Variants in SLC25A20 observed in about 807,000 individuals in gnomAD.
SLC25A20 encodes the protein solute carrier family 25 member 20.
Under a neutral mutation model 39.7 loss-of-function variants are expected in SLC25A20, and 29 were observed. That is an observed-to-expected ratio of 0.73 (90% CI 0.54 to 1.00). The LOEUF (loss-of-function observed/expected upper bound fraction) is 1.00. SLC25A20 is among the 50% of genes least tolerant of loss of function. SLC25A20 has a pLI of 0.00. For synonymous variants in SLC25A20, 103 were observed against 142.2 expected (o/e 0.72, Z 1.96); for missense variants, 333 against 379.9 (o/e 0.88, Z 1.03).
chr3:48,898,630 C>A, intron 1 of SLC25A20, 60 bp downstream of exon 1: 1 of 1,471,806 alleles, frequency 6.8e-7, no homozygotes, highest in South Asian at 1.2e-5. Context: ...CGCGGGGGAC[C>A]ATGCTTTCCG....
chr3:48,897,396 C>G lies in SLC25A20; in HGVS notation c.105+1294G>C, dbSNP rs1268162627. On this transcript the variant is annotated intron_variant, in intron 1 of 8. Transcript: ENST00000319017. ...TTTTTTTTTTTTTTTTTAAGGGCGG[C>G]CCCAGAGGCCTAGAACTAATAAGAT... Among the ~76,000 whole-genome samples, 52 of 139,984 alleles carry G rather than the reference C, an allele frequency of 3.7e-4. No individual in the cohort carries two copies. The Admixed American group carries it at 3.8e-3, about 10-fold the overall frequency. 91.8% of individuals were successfully genotyped at this position (139,984 alleles called of 152,430 possible).
intron 4 of SLC25A20, among the ~76,000 whole-genome samples, chr3:48,871,984 T>A (rs1246418936): frequency 7.8e-6 from 1 of 127,858 alleles, no homozygotes; most frequent in Non-Finnish European, 1.7e-5. Context: ...CCCAGCTAAT[T>A]TTTTTTTTTT....
Position 48,870,680 on chromosome 3 carries a change from AT to A in SLC25A20, c.418-8022del, listed in dbSNP as rs908776945. Among the ~76,000 whole-genome samples the A allele has an allele frequency of 1.4e-3, 202 of 143,898 alleles. 2 individuals are homozygous for A. In the East Asian group the frequency reaches 0.019, roughly 13 times the overall value. The allele number at this position is 143,898 out of a possible 152,430, so 94.4% of individuals were successfully genotyped here. A position where few individuals can be genotyped will look rare whatever the true frequency, so the allele number is the denominator to read the frequency against. ...AGGCACGCAACACCATGCCCAGCTA[AT>A]TTTTTTTTTTTAAGAGATGGGGTTT... On this transcript the variant is annotated intron_variant, in intron 4 of 8. Coordinates refer to ENST00000319017, the MANE Select transcript of SLC25A20 (RefSeq NM_000387.6).
At chr3:48,870,775 C>CGCTA (rs1373540296) in intron 4 of SLC25A20, among the ~76,000 whole-genome samples, 1 of 149,064 alleles carries the variant, frequency 6.7e-6, no homozygotes, top group Non-Finnish European at 1.5e-5. Flanking sequence ...CCTCCCAAAG[C>CGCTA]GCTAGGATGA....
chr3:48,872,530 A>G (rs1037537988), intron 4 of SLC25A20, among the ~76,000 whole-genome samples: 1 of 151,952 alleles, frequency 6.6e-6, no homozygotes, highest in African/African-American at 2.4e-5. Flanking sequence ...AGAAAAAAAA[A>G]AGAACTCTGT....
intron 4 of SLC25A20, among the ~76,000 whole-genome samples, chr3:48,877,871 G>A (rs911612566): frequency 2.0e-5 from 3 of 152,162 alleles, no homozygotes; most frequent in African/African-American, 7.2e-5. Flanking sequence ...TAATAAGGGT[G>A]GGTAGGCCCA....
intron 1 of SLC25A20, among the ~76,000 whole-genome samples, chr3:48,893,815 C>T (rs967530819): frequency 6.8e-6 from 1 of 147,362 alleles, no homozygotes; most frequent in Non-Finnish European, 1.5e-5. Flanking sequence ...CAGATATGAG[C>T]CACCATGGCC....
chr3:48,894,427 A>G (rs997005737), intron 1 of SLC25A20, among the ~76,000 whole-genome samples: 1 of 148,086 alleles, frequency 6.8e-6, no homozygotes, highest in Non-Finnish European at 1.5e-5. Flanking sequence ...CACCCAGGTA[A>G]CTTTTGCATT....
At chr3:48,891,746 A>G (rs1315695596) in intron 2 of SLC25A20, among the ~76,000 whole-genome samples, 5 of 152,150 alleles carry the variant, frequency 3.3e-5, no homozygotes, top group African/African-American at 9.7e-5. Context: ...TCCATCTTCC[A>G]AAAGAGAGAA....
At chr3:48,897,365 A>T (rs796455739) in intron 1 of SLC25A20, among the ~76,000 whole-genome samples, 7,079 of 103,594 alleles carry the variant, frequency 0.068, 293 homozygotes, top group Non-Finnish European at 0.1. Flanking sequence ...ATATATATAT[A>T]TATTTTTTTT....
chr3:48,875,568 C>T (rs2083749792), intron 4 of SLC25A20, among the ~76,000 whole-genome samples: 1 of 152,168 alleles, frequency 6.6e-6, no homozygotes, highest in South Asian at 2.1e-4. Flanking sequence ...CACAACCATA[C>T]CTGGCTAATT....
In SLC25A20 at chr3:48,865,377, C is replaced by T. The variant is rs921065280; in HGVS notation, c.418-2718G>A. ...TCTTGACCTCGTGATCCATCCGCCTCGGCCACCCAAAGTGCTGGGATTACA... is the reference window on the plus strand; with the variant it reads ...TCTTGACCTCGTGATCCATCCGCCTTGGCCACCCAAAGTGCTGGGATTACA... On this transcript the variant is annotated intron_variant, in intron 4 of 8. Coordinates refer to ENST00000319017, the MANE Select transcript of SLC25A20 (RefSeq NM_000387.6). Among the ~76,000 whole-genome samples the T allele has an allele frequency of 3.4e-4, 51 of 151,902 alleles. 1 individual carries two copies. Among genetic ancestry groups the T allele is most frequent in the Admixed American group, 3.0e-3 (46 of 15,238 alleles).
At position 48,883,378 on chromosome 3, in the gene SLC25A20, CT is replaced by C. The variant is rs1306699237; in HGVS notation, c.326+618del. On this transcript the variant is annotated intron_variant, in intron 3 of 8. Transcript: ENST00000319017. The stretch of plus-strand genomic sequence containing the variant: ...GACCAGCCTAATGTGGTGAAACCCC[CT>C]CTCTACTAAACACACAAAAAAATTA... Among the ~76,000 whole-genome samples, 4 of 151,852 alleles carry C rather than the reference CT, an allele frequency of 2.6e-5. No homozygotes were observed. In the South Asian group the frequency reaches 6.3e-4, roughly 24 times the overall value.
chr3:48,888,108 G>A (rs1032687246), intron 2 of SLC25A20, among the ~76,000 whole-genome samples: 3 of 149,926 alleles, frequency 2.0e-5, no homozygotes, highest in African/African-American at 7.4e-5. Context: ...TTGGGAGGCT[G>A]AGGCAGGAGA....
chr3:48,859,022 T>C, intron 7 of SLC25A20, 70 bp downstream of exon 7: 2 of 1,262,920 alleles, frequency 1.6e-6, no homozygotes, highest in Non-Finnish European at 2.3e-6. Flanking sequence ...CCTTATGAGC[T>C]TTGCACCCCA....
intron 3 of SLC25A20, 38 bp downstream of exon 3, chr3:48,883,959 G>T (rs999212822): frequency 1.2e-6 from 2 of 1,610,456 alleles, no homozygotes; most frequent in Non-Finnish European, 1.7e-6. Context: ...CACGCTACCA[G>T]GCAGAACAGC....
chr3:48,873,652 C>A (rs1015063834), intron 4 of SLC25A20, among the ~76,000 whole-genome samples: 1 of 148,868 alleles, frequency 6.7e-6, no homozygotes, highest in South Asian at 2.1e-4. Context: ...AAAAAAAAAA[C>A]AAGAAAATCT....
intron 3 of SLC25A20, 48 bp from the exon 4 acceptor site, chr3:48,879,496 G>A (rs777741335): frequency 8.8e-6 from 11 of 1,250,366 alleles, no homozygotes; most frequent in East Asian, 4.6e-5. Flanking sequence ...ACTAACCACC[G>A]AGGACAGAGG....
At chr3:48,893,857 A>G (rs1303012683) in intron 1 of SLC25A20, among the ~76,000 whole-genome samples, 6 of 147,804 alleles carry the variant, frequency 4.1e-5, no homozygotes, top group Admixed American at 1.3e-4. Context: ...AAAAAGAAAA[A>G]AAAAAAAAAA....
Sources: allele counts gnomAD v4.1 joint callset (sites outside exome capture counted in the v4.1 genomes callset), GRCh38; gene constraint gnomAD v4.1.1; transcripts MANE v1.5; gene names NCBI Gene and HGNC (gene_info 2026-07-23, HGNC 2026-07-21).